Variants in SAMD4B observed in about 807,000 individuals in gnomAD.
SAMD4B encodes sterile alpha motif domain containing 4B, also known as protein Smaug homolog 2.
A neutral mutation model predicts 74.5 loss-of-function variants in SAMD4B; 5 were observed. The observed-to-expected ratio is 0.07, with a 90% CI of 0.04 to 0.14. SAMD4B has a LOEUF of 0.14. Among genes scored for constraint, SAMD4B ranks in the 10% least tolerant of loss-of-function variants. The pLI, the probability that SAMD4B is intolerant of heterozygous loss-of-function variation, is 1.00. For missense variants in SAMD4B, 608 were observed against 921.8 expected (o/e 0.66, Z 4.41); for synonymous variants, 373 against 374.9 (o/e 1.00, Z 0.06).
Position 39,377,726 on chromosome 19 carries a change from C to G in SAMD4B, c.1346C>G (p.Pro449Arg), listed in dbSNP as rs1264922539. Residue 449 changes from proline to arginine, a missense_variant, in exon 8 of 14, where the codon CCT becomes CGT. Coordinates refer to ENST00000610417, the MANE Select transcript of SAMD4B (RefSeq NM_001384574.2). ...CCTCCAGCTGTGGAGAACTACCCAC[C>G]TCCACCAGCTCCAGCTCCCACTGAT... ...KDPPAVENYP[P>R]PPAPAPTDGS... is the part of the protein sequence containing the mutation. 6 of 1,614,144 alleles carry G rather than the reference C, an allele frequency of 3.7e-6. No individual in the cohort carries two copies. The Admixed American group carries it at 6.7e-5, about 18-fold the overall frequency.
intron 2 of SAMD4B, among the ~76,000 whole-genome samples, chr19:39,356,224 T>C (rs2145404890): frequency 6.6e-6 from 1 of 152,194 alleles, no homozygotes; most frequent in Non-Finnish European, 1.5e-5. Flanking sequence ...GTCCTATCAG[T>C]AGGTTAGGAG....
rs2078226659 is a variant in SAMD4B, at chr19:39,385,587, T to C, written c.*2060T>C. 1 of 501,362 alleles carries C rather than the reference T, an allele frequency of 2.0e-6. No homozygotes were observed. The highest frequency in any genetic ancestry group is 3.5e-6 in the Non-Finnish European group (1 of 287,250). The allele number at this position is 501,362 out of a possible 1,614,324, so 31.1% of individuals were successfully genotyped here. On this transcript the variant is annotated 3_prime_UTR_variant, in exon 14 of 14. Transcript: ENST00000610417. The stretch of plus-strand genomic sequence containing the variant: ...CCCGGCCCCACTGGCAGAATCAGCT[T>C]TGAGTAACTGTACAGTTTTTCTCGC...
At chr19:39,388,511 C>T (rs773791203), downstream of SAMD4B, 3 of 1,613,038 alleles carry the variant, frequency 1.9e-6, no homozygotes, top group African/African-American at 4.0e-5. Flanking sequence ...TTCCCTATCC[C>T]AATCCCCAAA....
intron 1 of SAMD4B, among the ~76,000 whole-genome samples, chr19:39,343,988 C>CA (rs1555716091): frequency 2.5e-5 from 2 of 80,918 alleles, no homozygotes; most frequent in Admixed American, 1.1e-4. Context: ...CAGGACCCCC[C>CA]CCCCCCACAC....
chr19:39,379,806 A>G (rs944950642), intron 9 of SAMD4B, among the ~76,000 whole-genome samples, 160 bp from the exon 10 acceptor site: 4 of 152,102 alleles, frequency 2.6e-5, no homozygotes, highest in Non-Finnish European at 5.9e-5. Context: ...CCTGACCTCA[A>G]GTGATCCACC....
chr19:39,368,171 G>A (rs2077083762), intron 3 of SAMD4B, among the ~76,000 whole-genome samples: 1 of 151,932 alleles, frequency 6.6e-6, no homozygotes, highest in Admixed American at 6.6e-5. Context: ...CCAAGATCGC[G>A]CCACTGCACT....
chr19:39,352,923 T>C (rs1214324862), intron 1 of SAMD4B, among the ~76,000 whole-genome samples: 2 of 152,096 alleles, frequency 1.3e-5, no homozygotes, highest in African/African-American at 4.8e-5. Flanking sequence ...CCCTCTGAAA[T>C]AGTAACATGT....
In SAMD4B at chr19:39,370,576, T is replaced by C. The variant is rs188037391; in HGVS notation, c.667+451T>C. On this transcript the variant is annotated intron_variant, in intron 4 of 13. Coordinates refer to ENST00000610417, the MANE Select transcript of SAMD4B (RefSeq NM_001384574.2). ...AACCCCCCTTTGGGCATTTCTGATA[T>C]ATACCTGGCCTCTAAGGGCATCAGG... Among the ~76,000 whole-genome samples, 468 of 152,256 alleles carry C rather than the reference T, an allele frequency of 3.1e-3. 2 individuals carry two copies. Among genetic ancestry groups the C allele is most frequent in the Non-Finnish European group, 4.9e-3 (336 of 68,014 alleles).
At chr19:39,370,558 C>G (rs1009261694) in intron 4 of SAMD4B, among the ~76,000 whole-genome samples, 1 of 152,180 alleles carries the variant, frequency 6.6e-6, no homozygotes, top group African/African-American at 2.4e-5. Context: ...ACCAACCCCC[C>G]TTTGGGCATT....
At chr19:39,364,388 C>T (rs1178564954) in intron 3 of SAMD4B, among the ~76,000 whole-genome samples, 3 of 152,204 alleles carry the variant, frequency 2.0e-5, no homozygotes, top group African/African-American at 7.2e-5. Context: ...ACACCCGTCA[C>T]TGAGCCACAG....
At chr19:39,385,791 C>T, downstream of SAMD4B, 2 of 736,668 alleles carry the variant, frequency 2.7e-6, no homozygotes, top group Non-Finnish European at 4.3e-6. Flanking sequence ...TCCTTGAGCA[C>T]CTGGGGGTTG....
Position 39,375,718 on chromosome 19 carries a change from G to C in SAMD4B, c.736G>C (p.Val246Leu), listed in dbSNP as rs144958359. The change falls in exon 5 of 14, where the codon GTC becomes CTC. Residue 246 changes from valine (V) to leucine (L), a missense_variant. Coordinates refer to ENST00000610417, the MANE Select transcript of SAMD4B (RefSeq NM_001384574.2). This position sits in a 1 kb window ranked among gnomAD's most constrained non-coding sequence, Gnocchi z 4.1. ...SMSLIPTSPQ[V>L]PGEWPSPEEL... ...GTCACTCATCCCTACAAGCCCCCAG[G>C]TCCCTGGTGAGTGGCCGAGTCCAGA... is the stretch of plus-strand genomic sequence containing the variant. 1 of 1,614,128 alleles carries C rather than the reference G, an allele frequency of 6.2e-7. No individual in the cohort carries two copies. The highest frequency in any genetic ancestry group is 8.5e-7 in the Non-Finnish European group (1 of 1,179,996).
At chr19:39,390,259 C>T, downstream of SAMD4B, 9 of 1,613,786 alleles carry the variant, frequency 5.6e-6, no homozygotes, top group Non-Finnish European at 7.6e-6. Context: ...GTGGGGCTCA[C>T]CTCTCAGGCA....
At chr19:39,388,245 C>T (rs2078296230), downstream of SAMD4B, 2 of 1,259,120 alleles carry the variant, frequency 1.6e-6, no homozygotes, top group Non-Finnish European at 1.1e-6. Flanking sequence ...ATGACAAATT[C>T]TTAGGTACAA....
chr19:39,346,456 C>T (rs1382769924), intron 1 of SAMD4B, among the ~76,000 whole-genome samples: 2 of 152,152 alleles, frequency 1.3e-5, no homozygotes, highest in Admixed American at 1.3e-4. Flanking sequence ...ATTGTATTTG[C>T]CAGCTGCACT....
Position 39,383,384 on chromosome 19 carries a change from A to G in SAMD4B, c.2056+93A>G. The G allele has an allele frequency of 6.4e-7, 1 of 1,569,398 alleles. No individual in the cohort carries two copies. The highest frequency in any genetic ancestry group is 8.8e-7 in the Non-Finnish European group (1 of 1,139,306). ...CTCAGAGTCATCCTGAGGGGTCCCC[A>G]GGGGAGGCCAGACTCCAGGGAGGGC... On this transcript the variant is annotated intron_variant, in intron 13 of 13. Coordinates refer to ENST00000610417, the MANE Select transcript of SAMD4B (RefSeq NM_001384574.2). This position sits in a 1 kb window ranked among gnomAD's most constrained non-coding sequence, Gnocchi z 4.1.
chr19:39,363,701 A>G (rs558289199), intron 3 of SAMD4B, among the ~76,000 whole-genome samples: 1 of 152,314 alleles, frequency 6.6e-6, no homozygotes, highest in Admixed American at 6.5e-5. Flanking sequence ...CCACAATGAT[A>G]TTGAGTTAGG....
chr19:39,358,279 C>T (rs2076447399), intron 3 of SAMD4B, among the ~76,000 whole-genome samples: 1 of 152,066 alleles, frequency 6.6e-6, no homozygotes, highest in African/African-American at 2.4e-5. Context: ...CTCAAACAAA[C>T]AAACAAAAAA....
At chr19:39,348,668 G>A (rs900032928) in intron 1 of SAMD4B, among the ~76,000 whole-genome samples, 1 of 152,200 alleles carries the variant, frequency 6.6e-6, no homozygotes, top group Non-Finnish European at 1.5e-5. Context: ...GCAAGACAGC[G>A]ACATGATCTG....
Sources: gnomAD v4.1 joint callset for allele counts (sites outside exome capture counted in the v4.1 genomes callset) on GRCh38, gnomAD v4.1.1 for gene constraint, Gnocchi (gnomAD v3.1) non-coding constraint, MANE v1.5 for transcripts, NCBI Gene and HGNC (gene_info 2026-07-23, HGNC 2026-07-21) for gene names.